The following PHEX variants were observed in gnomAD, a reference collection of about 807,000 sequenced individuals.
PHEX encodes the protein phosphate-regulating neutral endopeptidase PHEX.
A neutral mutation model predicts 68.0 loss-of-function variants in PHEX; 16 were observed. That is an observed-to-expected ratio of 0.24 (90% confidence interval 0.16 to 0.36). The LOEUF is 0.36. PHEX is among the 10% of genes least tolerant of loss of function. PHEX has a pLI of 1.00. For synonymous variants in PHEX, 208 were observed against 205.1 expected (o/e 1.01, Z -0.12); for missense variants, 480 against 575.5 (o/e 0.83, Z 1.70).
intron 20 of PHEX, among the ~76,000 whole-genome samples, chrX:22,231,293 G>C (rs981815295): frequency 8.0e-5 from 9 of 111,936 alleles, no homozygotes; most frequent in African/African-American, 2.6e-4. Flanking sequence ...CATAAAATGA[G>C]TTAGGGAGGA....
rs745572252 is a variant in PHEX, at chrX:22,094,363, C to T, written c.849+264C>T. On this transcript the variant is annotated intron_variant, in intron 7 of 21. Transcript: ENST00000379374. ...GCCCATTCAGTGTCCATACGTTGCT[C>T]AGCTGTGGCCAAAGAATAGCAGCAG... Among the ~76,000 whole-genome samples, 4 of 112,291 alleles carry T rather than the reference C, an allele frequency of 3.6e-5. No individual in the cohort carries two copies. The South Asian group carries it at 1.5e-3, about 42-fold the overall frequency.
chrX:22,226,352 T>C, intron 18 of PHEX, 91 bp from the exon 19 acceptor site: 1 of 629,334 alleles, frequency 1.6e-6, no homozygotes, highest in Non-Finnish European at 2.7e-6. Flanking sequence ...TATGATACTT[T>C]TCTTGCTATA....
At chrX:22,181,878 G>A (rs1602366437) in intron 14 of PHEX, among the ~76,000 whole-genome samples, 1 of 111,516 alleles carries the variant, frequency 9.0e-6, no homozygotes, top group East Asian at 2.8e-4. Flanking sequence ...TTTACAGATC[G>A]CTTTCTCTTA....
chrX:22,088,753 G>C (rs369717391), intron 5 of PHEX, among the ~76,000 whole-genome samples: 1 of 111,089 alleles, frequency 9.0e-6, no homozygotes, highest in African/African-American at 3.3e-5. Context: ...TCTGTGGCTT[G>C]TCTTTTTATT....
At chrX:22,236,179 C>G (rs575712545) in intron 20 of PHEX, among the ~76,000 whole-genome samples, 8 of 112,087 alleles carry the variant, frequency 7.1e-5, no homozygotes, top group African/African-American at 2.3e-4. Flanking sequence ...TCAATCTAAG[C>G]TTCATCCTTC....
chrX:22,244,427 G>C (rs1239690431), intron 20 of PHEX, among the ~76,000 whole-genome samples: 5 of 79,752 alleles, frequency 6.3e-5, no homozygotes, highest in Non-Finnish European at 1.1e-4. Context: ...AGAATTTAAA[G>C]TATAATAAAA....
chrX:22,089,938 G>T (rs1175918495), intron 5 of PHEX, among the ~76,000 whole-genome samples: 2 of 111,950 alleles, frequency 1.8e-5, no homozygotes, highest in Non-Finnish European at 3.8e-5. Context: ...TAGAGATAAG[G>T]AGTTGGAAAC....
chrX:22,062,389 A>G (rs933961373), intron 3 of PHEX, among the ~76,000 whole-genome samples: 2 of 112,327 alleles, frequency 1.8e-5, no homozygotes, highest in African/African-American at 6.5e-5. Flanking sequence ...CACTTTAAAA[A>G]GTAAACGTGT....
intron 12 of PHEX, among the ~76,000 whole-genome samples, chrX:22,143,795 T>A (rs1025069059): frequency 8.9e-6 from 1 of 112,320 alleles, no homozygotes; most frequent in Non-Finnish European, 1.9e-5. Context: ...AATAGCAAAA[T>A]AAACCCCTGT....
intron 15 of PHEX, among the ~76,000 whole-genome samples, chrX:22,205,859 A>C (rs189343098): frequency 2.7e-5 from 3 of 112,013 alleles, no homozygotes; most frequent in Admixed American, 9.5e-5. Flanking sequence ...AAATGGATTA[A>C]ATTAGTTCAA....
chrX:22,173,688 A>T (rs1334081265), intron 13 of PHEX, among the ~76,000 whole-genome samples: 2 of 111,136 alleles, frequency 1.8e-5, no homozygotes, highest in South Asian at 7.8e-4. Context: ...TGTAGATATA[A>T]AATACGGATT....
At chrX:22,124,384 C>A (rs905934917) in intron 11 of PHEX, among the ~76,000 whole-genome samples, 1 of 112,298 alleles carries the variant, frequency 8.9e-6, no homozygotes, top group Non-Finnish European at 1.9e-5. Flanking sequence ...TTTGTTTTCT[C>A]CATTTCTGGC....
At chrX:22,212,857 A>G in intron 15 of PHEX, 47 bp from the exon 16 acceptor site, 2 of 1,008,822 alleles carry the variant, frequency 2.0e-6, no homozygotes, top group Non-Finnish European at 1.4e-6. Context: ...GGTACTCATC[A>G]TTGAATCAAT....
At chrX:22,073,756 C>T (rs1929021917) in intron 3 of PHEX, among the ~76,000 whole-genome samples, 1 of 104,776 alleles carries the variant, frequency 9.5e-6, no homozygotes, top group African/African-American at 3.5e-5. Flanking sequence ...TCTCCTGCCT[C>T]AGCCTCCCGA....
At chrX:22,159,309 T>C (rs1569414386) in intron 12 of PHEX, among the ~76,000 whole-genome samples, 1 of 113,281 alleles carries the variant, frequency 8.8e-6, no homozygotes, top group African/African-American at 3.2e-5. Flanking sequence ...CCTGTTTTTG[T>C]GTGAACCACA....
intron 12 of PHEX, among the ~76,000 whole-genome samples, chrX:22,157,688 G>A (rs938790587): frequency 8.9e-6 from 1 of 112,375 alleles, no homozygotes; most frequent in African/African-American, 3.2e-5. Context: ...GGTGTTTTAG[G>A]AGAGAGCATG....
chrX:22,073,635 G>GTTTTTTT (rs1182752837), intron 3 of PHEX, among the ~76,000 whole-genome samples: 1 of 53,218 alleles, frequency 1.9e-5, no homozygotes, highest in Non-Finnish European at 3.4e-5. Flanking sequence ...CTGTGCTATA[G>GTTTTTTT]TTTTTTTTTT....
chrX:22,052,375 G>A (rs1344866506), intron 3 of PHEX, among the ~76,000 whole-genome samples: 1 of 111,197 alleles, frequency 9.0e-6, no homozygotes, highest in Non-Finnish European at 1.9e-5. Flanking sequence ...TTACACGCAT[G>A]CGCCACCATG....
In PHEX at chrX:22,247,795, G is replaced by A. The variant is rs181779047; in HGVS notation, c.2148-56G>A. 7.2e-6 allele frequency: 6 copies of A among 827,991 alleles called. No individual in the cohort carries two copies. The African/African-American group carries it at 1.0e-4, about 14-fold the overall frequency. 68.2% of individuals were successfully genotyped at this position (827,991 alleles called of 1,213,427 possible). A position where few individuals can be genotyped will look rare whatever the true frequency, so the allele number is the denominator to read the frequency against. ...CAATATTCTGCTACAGTTTTATACA[G>A]AACCTGTTGATGTGCAAGAATTATA... On this transcript the variant is annotated intron_variant, in intron 21 of 21. Coordinates refer to ENST00000379374, the MANE Select transcript of PHEX (RefSeq NM_000444.6).
Sources: allele counts gnomAD v4.1 joint callset (sites outside exome capture counted in the v4.1 genomes callset), GRCh38; gene constraint gnomAD v4.1.1; transcripts MANE v1.5; gene names NCBI Gene and HGNC (gene_info 2026-07-23, HGNC 2026-07-21).